CDK5RAP3: variants seen among roughly 807,000 people sequenced by gnomAD.
CDK5RAP3 encodes the protein CDK5 regulatory subunit-associated protein 3.
A neutral mutation model predicts 73.3 loss-of-function variants in CDK5RAP3; 58 were observed. That is an observed-to-expected ratio of 0.79 (90% CI 0.64 to 0.98). The LOEUF is 0.98. Ranked by LOEUF, CDK5RAP3 falls within the 50% of genes least tolerant of loss-of-function variation. CDK5RAP3 has a pLI of 0.00. For missense variants in CDK5RAP3, 525 were observed against 615.8 expected (o/e 0.85, Z 1.56); for synonymous variants, 224 against 247.5 (o/e 0.91, Z 0.89).
chr17:47,981,640 T>C lies in CDK5RAP3; in HGVS notation c.*138T>C. Reference sequence around the variant, plus strand: ...AAAGCCACAGGAAGGAAGCGGCACCTGATGGTGATCTTGGCACTCTCCATG... The same window carrying C: ...AAAGCCACAGGAAGGAAGCGGCACCCGATGGTGATCTTGGCACTCTCCATG... On this transcript the variant is annotated 3_prime_UTR_variant, in exon 14 of 14. Transcript: ENST00000338399. 1 of 1,559,856 alleles carries C rather than the reference T, an allele frequency of 6.4e-7. No individual in the cohort carries two copies. Among genetic ancestry groups the C allele is most frequent in the Middle Eastern group, 1.7e-4 (1 of 6,020 alleles).
chr17:47,976,064 C>T (rs775098486), intron 8 of CDK5RAP3, 51 bp downstream of exon 8: 18 of 1,580,078 alleles, frequency 1.1e-5, no homozygotes, highest in South Asian at 6.8e-5. Flanking sequence ...AGCTGCTTGT[C>T]CCCTCCCCAC....
At chr17:47,974,052 G>A (rs377031154) in intron 4 of CDK5RAP3, 21 bp downstream of exon 4, 31 of 1,531,096 alleles carry the variant, frequency 2.0e-5, no homozygotes, top group African/African-American at 1.8e-4. Flanking sequence ...GCCAAGGGCC[G>A]GTAGTATGTG....
Position 47,980,721 on chromosome 17 carries a change from GT to G in CDK5RAP3, c.1207del (p.Ser403GlnfsTer6), listed in dbSNP as rs2036532677. ...QTKEKMVTMV[S>X]VLEDLIGKLT... ...CCAAAGAGAAGATGGTTACCATGGT[GT>G]CAGTGCTGGAGGATCTGATTGGCAA... On this transcript the variant is annotated frameshift_variant, in exon 12 of 14. Transcript: ENST00000338399. LOFTEE classifies it high-confidence loss of function. 2 of 1,614,112 alleles carry G rather than the reference GT, an allele frequency of 1.2e-6. No individual in the cohort carries two copies. Among genetic ancestry groups the G allele is most frequent in the Admixed American group, 3.3e-5 (2 of 60,012 alleles).
rs1181128622 is a variant in CDK5RAP3, at chr17:47,981,427, ACT to A, written c.1456-7_1456-6del. On this transcript the variant is annotated splice_polypyrimidine_tract_variant and splice_region_variant and intron_variant, in intron 13 of 13. Transcript: ENST00000338399. ...CCCCTGCTTCTGCCCACTTGGTATC[ACT>A]CTTTCAGATTGAAGCTGACATCTCC... 1 of 1,614,080 alleles carries A rather than the reference ACT, an allele frequency of 6.2e-7. No homozygotes were observed. The highest frequency in any genetic ancestry group is 1.1e-5 in the South Asian group (1 of 91,082).
chr17:47,970,606 G>C (rs952232411), upstream of CDK5RAP3: 6 of 1,484,830 alleles, frequency 4.0e-6, no homozygotes, highest in Non-Finnish European at 5.5e-6. Context: ...CGCCCAACAC[G>C]TTGCAGGTGC....
At chr17:47,977,651 A>T (rs2144234286) in intron 9 of CDK5RAP3, among the ~76,000 whole-genome samples, 181 bp from the exon 10 acceptor site, 1 of 152,230 alleles carries the variant, frequency 6.6e-6, no homozygotes, top group African/African-American at 2.4e-5. Flanking sequence ...GGCAGGTGGG[A>T]ACACTACAGA....
chr17:47,978,940 C>T (rs755393872), intron 11 of CDK5RAP3, 23 bp downstream of exon 11: 3 of 1,583,392 alleles, frequency 1.9e-6, no homozygotes, highest in Non-Finnish European at 2.6e-6. Flanking sequence ...CTGGAAGATG[C>T]AGGGGGGAGG....
At chr17:47,974,884 A>G in intron 5 of CDK5RAP3, 1 of 1,351,524 alleles carries the variant, frequency 7.4e-7, no homozygotes, top group African/African-American at 1.5e-5. Flanking sequence ...AATGGCTAAT[A>G]TTTCCTGAGC....
At chr17:47,978,642 G>C (rs2036479558) in intron 10 of CDK5RAP3, 187 bp from the exon 11 acceptor site, 1 of 576,754 alleles carries the variant, frequency 1.7e-6, no homozygotes, top group Admixed American at 3.0e-5. Flanking sequence ...TCTGGGAGTT[G>C]GAAAGTGGTA....
At chr17:47,971,537 G>T in intron 2 of CDK5RAP3, 130 bp downstream of exon 2, 4 of 891,180 alleles carry the variant, frequency 4.5e-6, no homozygotes, top group East Asian at 2.8e-5. Context: ...CTCGTTCTAT[G>T]CCCCATCTGT....
In CDK5RAP3 at chr17:47,981,056, C is replaced by T. The variant is rs1002652077; in HGVS notation, c.1284-107C>T. 3.4e-4 allele frequency: 416 copies of T among 1,224,206 alleles called. 4 individuals carry two copies. The highest frequency in any genetic ancestry group is 1.2e-4 in the Non-Finnish European group (105 of 861,526). 75.8% of individuals were successfully genotyped at this position (1,224,206 alleles called of 1,614,324 possible). ...AAGGGTTTAAGGATGTGAGGGTAAG[C>T]GGCCAGTTGGGGGTTTGGTTTCCCG... On this transcript the variant is annotated intron_variant, in intron 12 of 13. Transcript: ENST00000338399.
chr17:47,980,891 C>A lies in CDK5RAP3; in HGVS notation c.1283+93C>A. The A allele has an allele frequency of 2.3e-6, 3 of 1,327,200 alleles. 1 individual carries two copies. Among genetic ancestry groups the A allele is most frequent in the South Asian group, 2.5e-5 (2 of 80,378 alleles). The allele number at this position is 1,327,200 out of a possible 1,614,324, so 82.2% of individuals were successfully genotyped here. On this transcript the variant is annotated intron_variant, in intron 12 of 13. Coordinates refer to ENST00000338399, the MANE Select transcript of CDK5RAP3 (RefSeq NM_176096.3). ...TGTTCCATGACCCCTTAAACCCCAT[C>A]CCTGCCTCCTGGCCATTGCCATCCA...
chr17:47,970,009 G>C (rs2036230684), upstream of CDK5RAP3, among the ~76,000 whole-genome samples: 1 of 152,094 alleles, frequency 6.6e-6, no homozygotes, highest in Non-Finnish European at 1.5e-5. Flanking sequence ...ATATTCCTCA[G>C]ATCCAGCCCT....
Position 47,977,156 on chromosome 17 carries a change from G to A in CDK5RAP3, c.909+334G>A, listed in dbSNP as rs568965990. On this transcript the variant is annotated intron_variant, in intron 9 of 13. Transcript: ENST00000338399. ...ACCCCTCTAATTTTTTATTTTGTTTGTTTGTTTGTTGAGACAGAGTCTCAC... is the reference window on the plus strand; with the variant it reads ...ACCCCTCTAATTTTTTATTTTGTTTATTTGTTTGTTGAGACAGAGTCTCAC... Among the ~76,000 whole-genome samples, 215 of 144,106 alleles carry A rather than the reference G, an allele frequency of 1.5e-3. 1 individual carries two copies. Among genetic ancestry groups the A allele is most frequent in the Non-Finnish European group, 2.7e-3 (173 of 65,228 alleles). 94.5% of individuals were successfully genotyped at this position (144,106 alleles called of 152,430 possible). A position where few individuals can be genotyped will look rare whatever the true frequency, so the allele number is the denominator to read the frequency against.
At chr17:47,976,521 A>G (rs561632596) in intron 8 of CDK5RAP3, 191 bp from the exon 9 acceptor site, 2 of 485,892 alleles carry the variant, frequency 4.1e-6, no homozygotes, top group East Asian at 4.0e-5. Context: ...CACCACTCCT[A>G]GCTAATTTTT....
chr17:47,974,566 G>A (rs1459430369), intron 5 of CDK5RAP3, 118 bp downstream of exon 5: 2 of 1,555,310 alleles, frequency 1.3e-6, no homozygotes, highest in Non-Finnish European at 1.7e-6. Flanking sequence ...GAGTGTAGAT[G>A]TTGCCCATTT....
chr17:47,974,328 T>G, intron 4 of CDK5RAP3, 72 bp from the exon 5 acceptor site: 2 of 1,288,662 alleles, frequency 1.6e-6, no homozygotes, highest in Non-Finnish European at 2.3e-6. Context: ...ACTTACCCTG[T>G]TTAGGGATTG....
chr17:47,975,108 G>T lies in CDK5RAP3; in HGVS notation c.335-51G>T, dbSNP rs759751395. ...AGGATGTGTGTGCATCCTGGGGCATGCCTGCCTCATGTGGGGGTGTCCTGG... is the reference window on the plus strand; with the variant it reads ...AGGATGTGTGTGCATCCTGGGGCATTCCTGCCTCATGTGGGGGTGTCCTGG... On this transcript the variant is annotated intron_variant, in intron 5 of 13. Coordinates refer to ENST00000338399, the MANE Select transcript of CDK5RAP3 (RefSeq NM_176096.3). The T allele has an allele frequency of 1.9e-5, 30 of 1,613,508 alleles. No homozygotes were observed. In the South Asian group the frequency reaches 3.3e-4, roughly 18 times the overall value.
At chr17:47,979,858 T>C (rs987459411) in intron 11 of CDK5RAP3, 2 of 152,214 alleles carry the variant, frequency 1.3e-5, no homozygotes, top group Admixed American at 6.5e-5. Context: ...ACAAAAGATA[T>C]CTGTGAAGTT....
Sources: gnomAD v4.1 joint callset for allele counts (sites outside exome capture counted in the v4.1 genomes callset) on GRCh38, gnomAD v4.1.1 for gene constraint, MANE v1.5 for transcripts, NCBI Gene and HGNC (gene_info 2026-07-23, HGNC 2026-07-21) for gene names.